Variants in POM121C observed in about 807,000 individuals in gnomAD.
The protein encoded by POM121C is POM121 transmembrane nucleoporin C.
In POM121C, 20 loss-of-function variants were observed where a neutral mutation model predicts 66.4. The ratio of observed to expected loss-of-function variants is 0.30; its 90% CI spans 0.21 to 0.44. POM121C has a LOEUF of 0.44. POM121C is among the 20% of genes least tolerant of loss of function. The pLI is 1.00. For synonymous variants in POM121C, 286 were observed against 528.0 expected, an observed-to-expected ratio of 0.54 and a Z score of 6.28; for missense variants, 580 against 1,225.7, an observed-to-expected ratio of 0.47 and a Z score of 7.87.
At chr7:75,435,468 CG>C (rs1554472934) in intron 7 of POM121C, among the ~76,000 whole-genome samples, 3 of 151,780 alleles carry the variant, frequency 2.0e-5, no homozygotes, top group Non-Finnish European at 4.4e-5. Context: ...CTTGTTTTAG[CG>C]TATTTTTTTC....
At chr7:75,463,973 G>A (rs1257011917) in intron 3 of POM121C, among the ~76,000 whole-genome samples, 15 of 147,746 alleles carry the variant, frequency 1.0e-4, no homozygotes, top group South Asian at 2.2e-4. Context: ...GATTACAGGC[G>A]TGAGGCACCA....
At chr7:75,425,480 A>G (rs1789907047) in intron 9 of POM121C, 155 bp downstream of exon 9, 2 of 1,278,186 alleles carry the variant, frequency 1.6e-6, no homozygotes, top group African/African-American at 3.0e-5. Flanking sequence ...ATCAGACTAT[A>G]AACTTCTGAA....
chr7:75,418,664 C>G lies in POM121C; in HGVS notation c.*132G>C. On this transcript the variant is annotated 3_prime_UTR_variant, in exon 15 of 15. Transcript: ENST00000615331. ...AAAGGGCCCCAGGGCTGCCACTGCC[C>G]CCTGGCGGCTGAAGCCAGAGATCCG... 1 of 1,377,346 alleles carries G rather than the reference C, an allele frequency of 7.3e-7. No homozygotes were observed. Among genetic ancestry groups the G allele is most frequent in the Non-Finnish European group, 9.5e-7 (1 of 1,048,964 alleles). 85.3% of individuals were successfully genotyped at this position (1,377,346 alleles called of 1,614,324 possible).
chr7:75,471,790 G>A (rs1486762986), intron 3 of POM121C, among the ~76,000 whole-genome samples: 1 of 152,142 alleles, frequency 6.6e-6, no homozygotes, highest in Non-Finnish European at 1.5e-5. Flanking sequence ...GACAAAACCC[G>A]ACACACAACG....
At chr7:75,441,851 A>G (rs587749993) in intron 3 of POM121C, among the ~76,000 whole-genome samples, 89 of 151,774 alleles carry the variant, frequency 5.9e-4, no homozygotes, top group Admixed American at 2.1e-3. Flanking sequence ...TGTCTCAACA[A>G]TGGATTGCAA....
chr7:75,461,419 A>G (rs1347697752), intron 3 of POM121C, among the ~76,000 whole-genome samples: 5 of 152,204 alleles, frequency 3.3e-5, no homozygotes, highest in African/African-American at 1.2e-4. Context: ...CCTGGGTCAT[A>G]AAACAAATGT....
At chr7:75,452,104 T>C (rs1554475620) in intron 3 of POM121C, among the ~76,000 whole-genome samples, 1 of 152,126 alleles carries the variant, frequency 6.6e-6, no homozygotes, top group Non-Finnish European at 1.5e-5. Flanking sequence ...GAGGAGGTTG[T>C]AGTAGGCCGA....
chr7:75,479,615 C>A (rs1792232729), intron 1 of POM121C, among the ~76,000 whole-genome samples: 1 of 134,522 alleles, frequency 7.4e-6, no homozygotes, highest in African/African-American at 3.1e-5. Context: ...GACTCTGTCT[C>A]TAAATAAATA....
intron 7 of POM121C, among the ~76,000 whole-genome samples, chr7:75,428,657 A>G (rs587670185): frequency 6.6e-6 from 1 of 152,302 alleles, no homozygotes; most frequent in South Asian, 2.1e-4. Context: ...ACACTGAGGG[A>G]TACACATCAC....
At chr7:75,477,241 T>C (rs1792124288) in intron 1 of POM121C, among the ~76,000 whole-genome samples, 1 of 151,940 alleles carries the variant, frequency 6.6e-6, no homozygotes, top group Admixed American at 6.6e-5. Flanking sequence ...AAAATGCTCA[T>C]TATCTACAAT....
chr7:75,471,382 T>C (rs1291175655), intron 3 of POM121C, among the ~76,000 whole-genome samples: 1 of 151,904 alleles, frequency 6.6e-6, no homozygotes, highest in Non-Finnish European at 1.5e-5. Flanking sequence ...CTAATTTTTC[T>C]ATATTTAGTA....
chr7:75,438,989 T>G (rs1554473423), intron 6 of POM121C, among the ~76,000 whole-genome samples, 155 bp downstream of exon 6: 2 of 152,228 alleles, frequency 1.3e-5, no homozygotes, highest in Admixed American at 1.3e-4. Context: ...GGCAGTTAAT[T>G]GTGACAAGTT....
At chr7:75,428,464 A>G (rs1790046603) in intron 7 of POM121C, among the ~76,000 whole-genome samples, 1 of 152,214 alleles carries the variant, frequency 6.6e-6, no homozygotes, top group South Asian at 2.1e-4. Flanking sequence ...AAGCACATAG[A>G]TGGCCAAGTG....
At chr7:75,444,142 CAGAG>C (rs1396945688) in intron 3 of POM121C, among the ~76,000 whole-genome samples, 1 of 132,754 alleles carries the variant, frequency 7.5e-6, no homozygotes, top group East Asian at 2.4e-4. Context: ...TGGGGCAACT[CAGAG>C]AGATGAGAAG....
At chr7:75,442,158 T>A (rs2116414775) in intron 3 of POM121C, 1 of 1,338,326 alleles carries the variant, frequency 7.5e-7, no homozygotes, top group Admixed American at 3.8e-5. Flanking sequence ...GGGGAAGGCC[T>A]CCCGGAGGGT....
Position 75,441,302 on chromosome 7 carries a change from G to T in POM121C, c.65+130C>A, listed in dbSNP as rs1554473934. 4.5e-6 allele frequency: 6 copies of T among 1,345,434 alleles called. No individual in the cohort carries two copies. The African/African-American group carries it at 4.5e-5, about 10-fold the overall frequency. 83.3% of individuals were successfully genotyped at this position (1,345,434 alleles called of 1,614,324 possible). A position where few individuals can be genotyped will look rare whatever the true frequency, so the allele number is the denominator to read the frequency against. On this transcript the variant is annotated intron_variant, in intron 4 of 14. Coordinates refer to ENST00000615331, the MANE Select transcript of POM121C (RefSeq NM_001099415.3). ...AAAACAAACGGTTTTACTAGAATTT[G>T]GTATTTCTCATTCAAACAAGCAGAT...
At chr7:75,420,783 C>T (rs1554470492) in intron 13 of POM121C, 1 of 153,598 alleles carries the variant, frequency 6.5e-6, no homozygotes, top group Admixed American at 6.5e-5. Flanking sequence ...AAACACCCAA[C>T]CCTGGCCACA....
At chr7:75,435,468 C>T (rs587599777) in intron 7 of POM121C, among the ~76,000 whole-genome samples, 5 of 151,898 alleles carry the variant, frequency 3.3e-5, no homozygotes, top group South Asian at 2.1e-4. Flanking sequence ...CTTGTTTTAG[C>T]GTATTTTTTT....
intron 3 of POM121C, among the ~76,000 whole-genome samples, chr7:75,450,172 C>T (rs1554475406): frequency 6.6e-6 from 1 of 152,244 alleles, no homozygotes; most frequent in East Asian, 1.9e-4. Context: ...GCTTCTAGAA[C>T]TGTGAGAAAA....
Sources: allele counts gnomAD v4.1 joint callset (sites outside exome capture counted in the v4.1 genomes callset), GRCh38; gene constraint gnomAD v4.1.1; transcripts MANE v1.5; gene names NCBI Gene and HGNC (gene_info 2026-07-23, HGNC 2026-07-21).